The following PHACTR3 variants were observed in gnomAD, a reference collection of about 807,000 sequenced individuals.
PHACTR3 encodes phosphatase and actin regulator 3.
In PHACTR3, 16 loss-of-function variants were observed where a neutral mutation model predicts 66.8. That is an observed-to-expected ratio of 0.24 (90% CI 0.16 to 0.36). The LOEUF (loss-of-function observed/expected upper bound fraction) is 0.36, where lower values mean the gene tolerates loss of function less well. PHACTR3 is among the 10% of genes least tolerant of loss of function. The pLI is 1.00. For missense variants in PHACTR3, 647 were observed against 719.9 expected (o/e 0.90, Z 1.16); for synonymous variants, 323 against 292.1 (o/e 1.11, Z -1.08).
chr20:59,751,614 A>G (rs948248037), intron 3 of PHACTR3, among the ~76,000 whole-genome samples: 1 of 152,084 alleles, frequency 6.6e-6, no homozygotes, highest in Admixed American at 6.5e-5. Context: ...CATCCAGGGC[A>G]TGAGTTTGCT....
At chr20:59,683,482 G>A (rs774100188) in intron 1 of PHACTR3, among the ~76,000 whole-genome samples, 206 of 141,784 alleles carry the variant, frequency 1.5e-3, no homozygotes, top group Admixed American at 3.1e-3. Flanking sequence ...TTTTAAACCA[G>A]GTCTTTTTTT....
Position 59,847,097 on chromosome 20 carries a change from C to T in PHACTR3, c.1665-18C>T. 1 of 1,498,176 alleles carries T rather than the reference C, an allele frequency of 6.7e-7. No individual in the cohort carries two copies. The highest frequency in any genetic ancestry group is 9.2e-7 in the Non-Finnish European group (1 of 1,083,054). The allele number at this position is 1,498,176 out of a possible 1,614,324, so 92.8% of individuals were successfully genotyped here. On this transcript the variant is annotated intron_variant, in intron 12 of 12. Transcript: ENST00000371015. The stretch of plus-strand genomic sequence containing the variant: ...AAATGAATAACCTTAAATTCTTTGT[C>T]TTTTTTATAATCTCTAGATTCCACA...
chr20:59,674,398 C>CT (rs2036310426), intron 1 of PHACTR3, among the ~76,000 whole-genome samples: 3 of 147,032 alleles, frequency 2.0e-5, no homozygotes, highest in African/African-American at 7.8e-5. Flanking sequence ...TCCTGTTCCT[C>CT]CTTCTCCTGT....
intron 1 of PHACTR3, among the ~76,000 whole-genome samples, chr20:59,722,363 G>C (rs1157302479): frequency 6.6e-6 from 1 of 152,204 alleles, no homozygotes; most frequent in Non-Finnish European, 1.5e-5. Flanking sequence ...CACTGTGGCA[G>C]TGTTGGGAGA....
intron 1 of PHACTR3, 22 bp downstream of exon 1, chr20:59,605,154 GC>G: frequency 3.1e-6 from 4 of 1,282,830 alleles, no homozygotes; most frequent in Non-Finnish European, 4.0e-6. Flanking sequence ...GGCGGGGGCG[GC>G]GGGCGGGTCG....
intron 1 of PHACTR3, among the ~76,000 whole-genome samples, chr20:59,683,970 A>G (rs2051993203): frequency 6.6e-6 from 1 of 152,208 alleles, no homozygotes; most frequent in African/African-American, 2.4e-5. Flanking sequence ...ATTTTCTGAA[A>G]GGCAAACTGC....
At chr20:59,794,123 C>CAAAA (rs71183186) in intron 7 of PHACTR3, among the ~76,000 whole-genome samples, 2,092 of 97,662 alleles carry the variant, frequency 0.021, 105 homozygotes, top group East Asian at 0.14. Flanking sequence ...GACTCCATCT[C>CAAAA]AAAAAAAAAA....
intron 1 of PHACTR3, among the ~76,000 whole-genome samples, chr20:59,621,936 A>T (rs965982087): frequency 6.6e-6 from 1 of 152,232 alleles, no homozygotes; most frequent in Non-Finnish European, 1.5e-5. Context: ...GAGACTCACA[A>T]GCAGATCTTT....
chr20:59,793,768 T>C (rs1285961318), intron 7 of PHACTR3, among the ~76,000 whole-genome samples: 1 of 152,226 alleles, frequency 6.6e-6, no homozygotes, highest in South Asian at 2.1e-4. Flanking sequence ...CTTTTTTTTT[T>C]CTGTAGCCTA....
chr20:59,842,130 T>C (rs1005317039), intron 11 of PHACTR3, among the ~76,000 whole-genome samples: 3 of 151,830 alleles, frequency 2.0e-5, no homozygotes, highest in African/African-American at 7.3e-5. Flanking sequence ...CACAAGGAGG[T>C]AGTAGGTCAT....
intron 1 of PHACTR3, among the ~76,000 whole-genome samples, chr20:59,674,593 GTCCCCGCTTCTCCTGTTCCCCC>G (rs2036339492): frequency 5.4e-5 from 1 of 18,350 alleles, no homozygotes; most frequent in Non-Finnish European, 7.7e-5. Flanking sequence ...CCCTTCTCCT[GTCCCCGCTTCTCCTGTTCCCCC>G]CTTCTCCTGT....
chr20:59,705,269 A>G (rs918122878), intron 1 of PHACTR3, among the ~76,000 whole-genome samples: 11 of 152,182 alleles, frequency 7.2e-5, no homozygotes, highest in African/African-American at 2.7e-4. Flanking sequence ...GTATTTGAGA[A>G]TTTTAAAGTC....
At chr20:59,781,332 C>T (rs958366227) in intron 7 of PHACTR3, among the ~76,000 whole-genome samples, 3 of 152,198 alleles carry the variant, frequency 2.0e-5, no homozygotes, top group African/African-American at 4.8e-5. Flanking sequence ...GAAGGCCTCT[C>T]GATGGCACCT....
intron 7 of PHACTR3, among the ~76,000 whole-genome samples, chr20:59,775,075 G>A (rs2040485847): frequency 1.1e-5 from 1 of 90,820 alleles, no homozygotes; most frequent in African/African-American, 2.9e-5. Flanking sequence ...TGTCCTCATG[G>A]TGCGTTCTCC....
Position 59,605,051 on chromosome 20 carries a change from T to C in PHACTR3, c.37T>C (p.Ser13Pro). Residue 13 changes from serine to proline, a missense_variant, in exon 1 of 13, where the codon TCG (serine) becomes CCG (proline). Physicochemically the swap from Ser to Pro is moderately conservative, Grantham distance 74. Coordinates refer to ENST00000371015, the MANE Select transcript of PHACTR3 (RefSeq NM_080672.5). The stretch of plus-strand genomic sequence containing the variant: ...GGAGGACGGGAGCGGCTGCCTCGTG[T>C]CGCGGGGCCGCTCGCAGAGTGACCC... ...ASEDGSGCLV[S>P]RGRSQSDPSV... 2 of 1,392,234 alleles carry C rather than the reference T, an allele frequency of 1.4e-6. No homozygotes were observed. The highest frequency in any genetic ancestry group is 1.9e-6 in the Non-Finnish European group (2 of 1,065,844). 86.2% of individuals were successfully genotyped at this position (1,392,234 alleles called of 1,614,324 possible). A position where few individuals can be genotyped will look rare whatever the true frequency, so the allele number is the denominator to read the frequency against.
Position 59,619,247 on chromosome 20 carries a change from G to A in PHACTR3, c.118+14115G>A, listed in dbSNP as rs1367331371. 2.6e-5 allele frequency among the ~76,000 whole-genome samples: 4 copies of A among 152,132 alleles called. No homozygotes were observed. The East Asian group carries it at 7.7e-4, about 29-fold the overall frequency. On this transcript the variant is annotated intron_variant, in intron 1 of 12. Transcript: ENST00000371015. ...ACTTTAAGAAAGTATAAGCCTTGGTGGCCCTGCCCTAATCAGGGAAGCCCT... is the reference window on the plus strand; with the variant it reads ...ACTTTAAGAAAGTATAAGCCTTGGTAGCCCTGCCCTAATCAGGGAAGCCCT...
upstream of PHACTR3, among the ~76,000 whole-genome samples, chr20:59,600,576 G>A (rs2033448419): frequency 6.6e-6 from 1 of 152,178 alleles, no homozygotes; most frequent in African/African-American, 2.4e-5. Flanking sequence ...TGTTGGAGGG[G>A]TTCTGCCATC....
At position 59,740,426 on chromosome 20, in the gene PHACTR3, C is replaced by T. The variant is rs578171861; in HGVS notation, c.119-2681C>T. ...TAGGCTCAAGTGATCCTCCTGTCTCCGACTCTTAAGTAGCATGCACCACCA... is the reference window on the plus strand; with the variant it reads ...TAGGCTCAAGTGATCCTCCTGTCTCTGACTCTTAAGTAGCATGCACCACCA... On this transcript the variant is annotated intron_variant, in intron 1 of 12. Coordinates refer to ENST00000371015, the MANE Select transcript of PHACTR3 (RefSeq NM_080672.5). Among the ~76,000 whole-genome samples the T allele has an allele frequency of 7.2e-5, 11 of 152,130 alleles. No homozygotes were observed. In the South Asian group the frequency reaches 8.3e-4, roughly 12 times the overall value.
intron 11 of PHACTR3, among the ~76,000 whole-genome samples, chr20:59,843,131 AAAATACCTG>A (rs1198260469): frequency 1.1e-4 from 17 of 152,282 alleles, no homozygotes; most frequent in Middle Eastern, 3.4e-3. Flanking sequence ...ATAGGTACCA[AAAATACCTG>A]AAAATGAATT....
Sources: allele counts gnomAD v4.1 joint callset (sites outside exome capture counted in the v4.1 genomes callset), GRCh38; gene constraint gnomAD v4.1.1; transcripts MANE v1.5; gene names NCBI Gene and HGNC (gene_info 2026-07-23, HGNC 2026-07-21).